Variants in KHDRBS2 observed in about 807,000 individuals in gnomAD.
The protein encoded by KHDRBS2 is KH domain-containing, RNA-binding, signal transduction-associated protein 2.
Under a neutral mutation model 44.3 loss-of-function variants are expected in KHDRBS2, and 26 were observed. That is an observed-to-expected ratio of 0.59 (90% confidence interval 0.43 to 0.81). The LOEUF (loss-of-function observed/expected upper bound fraction) is 0.81. KHDRBS2 is among the 40% of genes least tolerant of loss of function. The probability of loss-of-function intolerance (pLI) is 0.00; values close to 1 mark genes in which losing one functional copy is unlikely to be tolerated. For synonymous variants in KHDRBS2, 194 were observed against 151.1 expected, an observed-to-expected ratio of 1.28 and a Z score of -2.08; for missense variants, 476 against 433.1, an observed-to-expected ratio of 1.10 and a Z score of -0.88.
chr6:61,787,764 T>C (rs867996685), intron 6 of KHDRBS2, among the ~76,000 whole-genome samples: 1 of 151,736 alleles, frequency 6.6e-6, no homozygotes, highest in African/African-American at 2.4e-5. Context: ...GGAAAAGTTA[T>C]TACCTTCTTT....
chr6:62,207,015 C>T (rs1350497918), intron 1 of KHDRBS2, among the ~76,000 whole-genome samples: 2 of 151,980 alleles, frequency 1.3e-5, no homozygotes, highest in Admixed American at 1.3e-4. Context: ...TGCATAAAAA[C>T]ATCACAATGT....
the KHDRBS2 span, among the ~76,000 whole-genome samples, chr6:61,591,331 T>G: frequency 5.3e-5 from 8 of 152,140 alleles, no homozygotes; most frequent in Non-Finnish European, 1.0e-4. Flanking sequence ...AATAAATCCA[T>G]AAGTATGGAG....
At chr6:62,082,911 A>C (rs1387442173) in intron 2 of KHDRBS2, among the ~76,000 whole-genome samples, 2 of 152,154 alleles carry the variant, frequency 1.3e-5, no homozygotes, top group African/African-American at 4.8e-5. Flanking sequence ...CCCGGAATCC[A>C]CTTATTAATT....
chr6:61,939,860 C>T (rs1194991096), intron 4 of KHDRBS2, among the ~76,000 whole-genome samples: 4 of 152,126 alleles, frequency 2.6e-5, no homozygotes, highest in African/African-American at 9.7e-5. Context: ...TCCTATCAAT[C>T]AATTCAGAAG....
At chr6:61,685,209 T>C (rs977371930) in intron 8 of KHDRBS2, among the ~76,000 whole-genome samples, 9 of 151,914 alleles carry the variant, frequency 5.9e-5, no homozygotes, top group Non-Finnish European at 1.2e-4. Context: ...CAAATATACT[T>C]AGTAAGAACA....
At chr6:62,216,312 C>G (rs1251201415) in intron 1 of KHDRBS2, among the ~76,000 whole-genome samples, 1 of 151,738 alleles carries the variant, frequency 6.6e-6, no homozygotes, top group Non-Finnish European at 1.5e-5. Flanking sequence ...ATAATATGAT[C>G]AAGAATAGGT....
chr6:61,992,593 ATGTG>A (rs749737405), intron 3 of KHDRBS2, among the ~76,000 whole-genome samples: 3 of 150,990 alleles, frequency 2.0e-5, no homozygotes, highest in East Asian at 2.0e-4. Context: ...TAGGGGTCTG[ATGTG>A]TGTGTGTGTG....
chr6:62,219,913 A>G (rs1044399226), intron 1 of KHDRBS2, among the ~76,000 whole-genome samples: 3 of 147,430 alleles, frequency 2.0e-5, no homozygotes, highest in South Asian at 2.1e-4. Flanking sequence ...ATAGATCTAT[A>G]CTTGAAATTA....
At chr6:62,256,039 A>T (rs1199758154) in intron 1 of KHDRBS2, among the ~76,000 whole-genome samples, 1 of 151,774 alleles carries the variant, frequency 6.6e-6, no homozygotes, top group Non-Finnish European at 1.5e-5. Flanking sequence ...GGAGGCTGAG[A>T]CTGGAGAATC....
At chr6:61,826,951 A>T (rs1331758738) in intron 6 of KHDRBS2, among the ~76,000 whole-genome samples, 6 of 152,184 alleles carry the variant, frequency 3.9e-5, no homozygotes, top group Non-Finnish European at 8.8e-5. Flanking sequence ...TCTTTTCCTC[A>T]ATTATTCGAT....
chr6:61,944,185 T>C lies in KHDRBS2; in HGVS notation c.483+33881A>G, dbSNP rs1812742542. On this transcript the variant is annotated intron_variant, in intron 4 of 8. Transcript: ENST00000281156. ...TGGGTATCCAAAGGAAAAGGAATCA[T>C]TATATCAAAGGAATATCTGAACTTG... Among the ~76,000 whole-genome samples the C allele has an allele frequency of 3.3e-5, 5 of 152,104 alleles. No homozygotes were observed. In the South Asian group the frequency reaches 1.0e-3, roughly 32 times the overall value.
chr6:61,985,342 A>T (rs191302061), intron 3 of KHDRBS2, among the ~76,000 whole-genome samples: 1 of 152,244 alleles, frequency 6.6e-6, no homozygotes, highest in East Asian at 1.9e-4. Context: ...CAAAACTCAA[A>T]TTTCAATATT....
chr6:61,994,742 A>G (rs1434696119), intron 3 of KHDRBS2, among the ~76,000 whole-genome samples: 2 of 152,174 alleles, frequency 1.3e-5, no homozygotes, highest in African/African-American at 4.8e-5. Flanking sequence ...AGGATGCAAA[A>G]TATTTATTGT....
chr6:62,067,864 C>G (rs770372059), intron 2 of KHDRBS2, among the ~76,000 whole-genome samples: 4 of 151,482 alleles, frequency 2.6e-5, no homozygotes, highest in Non-Finnish European at 5.9e-5. Flanking sequence ...AGCTTACTGT[C>G]TTTTAGGTTC....
chr6:61,885,508 C>T (rs1018307003), intron 6 of KHDRBS2, among the ~76,000 whole-genome samples: 15 of 152,156 alleles, frequency 9.9e-5, no homozygotes, highest in African/African-American at 3.1e-4. Flanking sequence ...AGTAAAACCT[C>T]TATCTGTGAA....
rs186736191 is a variant in KHDRBS2 at position 61,871,455 on chromosome 6, C to T, written c.810+23180G>A. Among the ~76,000 whole-genome samples the T allele has an allele frequency of 2.3e-3, 345 of 152,272 alleles. 2 individuals carry two copies. The highest frequency in any genetic ancestry group is 8.1e-3 in the African/African-American group (336 of 41,546). On this transcript the variant is annotated intron_variant, in intron 6 of 8. Coordinates refer to ENST00000281156, the MANE Select transcript of KHDRBS2 (RefSeq NM_152688.4). ...ACCTTCAGGATATTATCCAGGAGAACTTCCCCAACCTAGCAAGACAGAATA... is the reference window on the plus strand; with the variant it reads ...ACCTTCAGGATATTATCCAGGAGAATTTCCCCAACCTAGCAAGACAGAATA...
At chr6:61,858,865 T>C (rs1466558263) in intron 6 of KHDRBS2, among the ~76,000 whole-genome samples, 3 of 151,904 alleles carry the variant, frequency 2.0e-5, no homozygotes, top group African/African-American at 4.8e-5. Flanking sequence ...GGAAACCTAT[T>C]CAAGTAATAT....
chr6:62,091,197 T>A (rs1199351115), intron 2 of KHDRBS2, among the ~76,000 whole-genome samples: 1 of 152,182 alleles, frequency 6.6e-6, no homozygotes, highest in African/African-American at 2.4e-5. Context: ...AATTATCCCA[T>A]CAGGGTCAAA....
chr6:61,642,203 A>G, the KHDRBS2 span, among the ~76,000 whole-genome samples: 5 of 152,084 alleles, frequency 3.3e-5, no homozygotes. Context: ...TTTATTTTTT[A>G]TATTTTATTT....
Sources: gnomAD v4.1 joint callset for allele counts (sites outside exome capture counted in the v4.1 genomes callset) on GRCh38, gnomAD v4.1.1 for gene constraint, MANE v1.5 for transcripts, NCBI Gene and HGNC (gene_info 2026-07-23, HGNC 2026-07-21) for gene names.